Variants in KAT14 observed in about 807,000 individuals in gnomAD.
The protein encoded by KAT14 is lysine acetyltransferase 14.
KAT14 carries 66 observed loss-of-function variants against 78.4 expected under a neutral mutation model. The observed-to-expected ratio is 0.84, with a 90% CI of 0.69 to 1.03. The LOEUF is 1.03. Ranked by LOEUF, KAT14 falls within the 50% of genes least tolerant of loss-of-function variation. KAT14 has a pLI of 0.00. For missense variants in KAT14, 870 were observed against 972.5 expected (o/e 0.89, Z 1.40); for synonymous variants, 344 against 359.4 (o/e 0.96, Z 0.48).
In KAT14 at chr20:18,138,030, G is replaced by T. The variant is rs577014319; in HGVS notation, c.-475G>T. On this transcript the variant is annotated 5_prime_UTR_variant, in exon 1 of 11. It removes the in-frame stop codon of an upstream open reading frame in the 5' UTR. Coordinates refer to ENST00000688188, the MANE Select transcript of KAT14 (RefSeq NM_001392073.1). ...CGGCCACAGTGGCCGGCGTACATGT[G>T]AAGCAGCAGTGGGACCAGCAGGTCG... is the stretch of plus-strand genomic sequence containing the variant. 1.5e-5 allele frequency: 22 copies of T among 1,492,810 alleles called. No individual in the cohort carries two copies. In the African/African-American group the frequency reaches 3.2e-4, roughly 22 times the overall value. 92.5% of individuals were successfully genotyped at this position (1,492,810 alleles called of 1,614,324 possible). A position where few individuals can be genotyped will look rare whatever the true frequency, so the allele number is the denominator to read the frequency against.
At chr20:18,176,931 T>C (rs1035444865) in intron 7 of KAT14, among the ~76,000 whole-genome samples, 3 of 152,224 alleles carry the variant, frequency 2.0e-5, no homozygotes, top group African/African-American at 4.8e-5. Flanking sequence ...CCAGGCAGCA[T>C]TGGGAGTGGT....
At chr20:18,156,814 C>T (rs906603556) in intron 4 of KAT14, among the ~76,000 whole-genome samples, 1 of 152,176 alleles carries the variant, frequency 6.6e-6, no homozygotes, top group African/African-American at 2.4e-5. Flanking sequence ...GGACACCAGT[C>T]ATATTGGATT....
intron 5 of KAT14, 123 bp downstream of exon 5, chr20:18,159,388 A>C (rs1253698386): frequency 9.1e-7 from 1 of 1,101,860 alleles, no homozygotes; most frequent in Non-Finnish European, 1.3e-6. Flanking sequence ...TACTCTGTTT[A>C]ACACTTCTGT....
At chr20:18,154,175 T>A in intron 4 of KAT14, among the ~76,000 whole-genome samples, 1 of 152,338 alleles carries the variant, frequency 6.6e-6, no homozygotes, top group South Asian at 2.1e-4. Flanking sequence ...CTCAGACATT[T>A]CTGTGTATGA....
rs71194228 is a variant in KAT14 at position 18,139,633 on chromosome 20, CGTGTGTGTGT to C, written c.-454+1615_-454+1624del. 9.0e-3 allele frequency among the ~76,000 whole-genome samples: 1,282 copies of C among 141,714 alleles called. 9 individuals are homozygous for C. The highest frequency in any genetic ancestry group is 0.016 in the South Asian group (66 of 4,008). The allele number at this position is 141,714 out of a possible 152,430, so 93.0% of individuals were successfully genotyped here. A position where few individuals can be genotyped will look rare whatever the true frequency, so the allele number is the denominator to read the frequency against. Reference sequence around the variant, plus strand: ...AGTTAGAGCTGAAGAACCAAAATAACGTGTGTGTGTGTGTGTGTGTGTGTGTGTGTGTGTG... The same window carrying C: ...AGTTAGAGCTGAAGAACCAAAATAACGTGTGTGTGTGTGTGTGTGTGTGTG... On this transcript the variant is annotated intron_variant, in intron 1 of 10. Transcript: ENST00000688188.
intron 10 of KAT14, among the ~76,000 whole-genome samples, 169 bp downstream of exon 10, chr20:18,184,961 A>G (rs1304632953): frequency 6.6e-6 from 1 of 152,174 alleles, no homozygotes; most frequent in Non-Finnish European, 1.5e-5. Context: ...ATCAAAGCAC[A>G]CAGTCAAAAA....
At chr20:18,185,004 G>C (rs2039408580) in intron 10 of KAT14, among the ~76,000 whole-genome samples, 1 of 152,100 alleles carries the variant, frequency 6.6e-6, no homozygotes, top group African/African-American at 2.4e-5. Context: ...TTATTATTCA[G>C]ACTCAGGTTT....
chr20:18,145,072 ATCTT>A, intron 2 of KAT14, 157 bp from the exon 3 acceptor site: 2 of 1,404,346 alleles, frequency 1.4e-6, no homozygotes, highest in East Asian at 2.6e-5. Flanking sequence ...AAGAATAGAA[ATCTT>A]TCTAATTCCC....
chr20:18,137,579 G>A (rs1204217545), upstream of KAT14, among the ~76,000 whole-genome samples: 1 of 152,194 alleles, frequency 6.6e-6, no homozygotes, highest in Non-Finnish European at 1.5e-5. Context: ...GGGTCAGCAC[G>A]GTATCCAGAC....
chr20:18,158,963 C>A, intron 4 of KAT14, 121 bp from the exon 5 acceptor site: 1 of 1,245,452 alleles, frequency 8.0e-7, no homozygotes, highest in Non-Finnish European at 1.1e-6. Flanking sequence ...TCGTGCTCTG[C>A]TCCTTCAGTA....
intron 2 of KAT14, among the ~76,000 whole-genome samples, chr20:18,143,467 C>CT (rs1270118297): frequency 6.7e-6 from 1 of 148,836 alleles, no homozygotes; most frequent in Non-Finnish European, 1.5e-5. Context: ...ATTTTCTTTT[C>CT]TTTCTTTTTT....
At chr20:18,140,645 A>G (rs2037498938) in intron 1 of KAT14, among the ~76,000 whole-genome samples, 1 of 151,760 alleles carries the variant, frequency 6.6e-6, no homozygotes, top group Non-Finnish European at 1.5e-5. Flanking sequence ...CCCCGTCTCT[A>G]CTAAAAATAC....
rs1003537898 is a variant in KAT14, at chr20:18,183,306, C to A, written c.1981+8C>A. On this transcript the variant is annotated splice_region_variant and intron_variant, in intron 9 of 10. Transcript: ENST00000688188. ...AGGAGTTTTTTTGGCCTGGTATGTTCCCCCTCCCAAACCAGGCAGGTCATT... is the reference window on the plus strand; with the variant it reads ...AGGAGTTTTTTTGGCCTGGTATGTTACCCCTCCCAAACCAGGCAGGTCATT... 6.2e-7 allele frequency: 1 copy of A among 1,609,620 alleles called. No individual in the cohort carries two copies. Among genetic ancestry groups the A allele is most frequent in the Admixed American group, 1.7e-5 (1 of 59,598 alleles).
Position 18,145,273 on chromosome 20 carries a change from T to C in KAT14, c.300T>C (p.Asn100=). The C allele has an allele frequency of 6.2e-7, 1 of 1,614,122 alleles. No homozygotes were observed. Among genetic ancestry groups the C allele is most frequent in the South Asian group, 1.1e-5 (1 of 91,072 alleles). The part of the protein sequence containing the change: ...REQLSYLKGD[N]FFRFTCSDCS... Reference sequence around the variant, plus strand: ...AGCTCAGTTACCTTAAGGGTGATAATTTTTTTAGGTTTACTTGTTCGGATT... The same window carrying C: ...AGCTCAGTTACCTTAAGGGTGATAACTTTTTTAGGTTTACTTGTTCGGATT... The change falls in exon 3 of 11, where the codon AAT becomes AAC. Residue 100 remains asparagine, a synonymous_variant. Coordinates refer to ENST00000688188, the MANE Select transcript of KAT14 (RefSeq NM_001392073.1).
At chr20:18,174,955 G>A (rs991117175) in intron 7 of KAT14, among the ~76,000 whole-genome samples, 28 of 151,958 alleles carry the variant, frequency 1.8e-4, no homozygotes, top group African/African-American at 5.8e-4. Context: ...ATGAGCCACC[G>A]CGCCCGGCGA....
intron 7 of KAT14, among the ~76,000 whole-genome samples, chr20:18,170,699 TTATTTTTTG>T (rs1054892877): frequency 6.6e-6 from 1 of 152,114 alleles, no homozygotes; most frequent in African/African-American, 2.4e-5. Context: ...CATGCCCAGC[TTATTTTTTG>T]TATTTTTTTT....
rs2037537731 is a variant in KAT14 at position 18,141,035 on chromosome 20, T to TA, written c.-453-1173_-453-1172insA. On this transcript the variant is annotated intron_variant, in intron 1 of 10. Coordinates refer to ENST00000688188, the MANE Select transcript of KAT14 (RefSeq NM_001392073.1). ...ACCACTCCCTGCAATTTTTTTTTTTTTTTTTTTTTTTATTTTTATTTTTGC... is the reference window on the plus strand; with the variant it reads ...ACCACTCCCTGCAATTTTTTTTTTTTATTTTTTTTTTTATTTTTATTTTTGC... Among the ~76,000 whole-genome samples, 3 of 19,758 alleles carry TA rather than the reference T, an allele frequency of 1.5e-4. No homozygotes were observed. In the South Asian group the frequency reaches 7.9e-3, roughly 52 times the overall value. 13.0% of individuals were successfully genotyped at this position (19,758 alleles called of 152,430 possible). A position where few individuals can be genotyped will look rare whatever the true frequency, so the allele number is the denominator to read the frequency against.
At chr20:18,138,860 A>G (rs2037409128) in intron 1 of KAT14, among the ~76,000 whole-genome samples, 3 of 152,176 alleles carry the variant, frequency 2.0e-5, no homozygotes, top group Non-Finnish European at 4.4e-5. Flanking sequence ...GGGAATACAA[A>G]GATAAGGAAA....
Position 18,159,230 on chromosome 20 carries a change from G to T in KAT14, c.647G>T (p.Gly216Val), listed in dbSNP as rs768139399. 28 of 1,613,944 alleles carry T rather than the reference G, an allele frequency of 1.7e-5. No individual in the cohort carries two copies. The highest frequency in any genetic ancestry group is 2.4e-5 in the Non-Finnish European group (28 of 1,180,002). The stretch of plus-strand genomic sequence containing the variant: ...AAGCCCCCAACGATGAAACCTGAAG[G>T]AGAGAAGTTGTCTGCCTCTACTTTG... ...HNKPPTMKPE[G>V]EKLSASTLKI... Residue 216 changes from glycine to valine, a missense_variant, in exon 5 of 11, where the codon GGA becomes GTA. Coordinates refer to ENST00000688188, the MANE Select transcript of KAT14 (RefSeq NM_001392073.1).
Sources: allele counts gnomAD v4.1 joint callset (sites outside exome capture counted in the v4.1 genomes callset), GRCh38; gene constraint gnomAD v4.1.1; transcripts MANE v1.5; gene names NCBI Gene and HGNC (gene_info 2026-07-23, HGNC 2026-07-21).